The following SPAG6 variants were observed in gnomAD, a reference collection of about 807,000 sequenced individuals.
The protein encoded by SPAG6 is sperm-associated antigen 6.
SPAG6 carries 49 observed loss-of-function variants against 58.5 expected under a neutral mutation model. The observed-to-expected ratio is 0.84, with a 90% CI of 0.67 to 1.06. SPAG6 has a LOEUF of 1.06. Ranked by LOEUF, SPAG6 falls within the 50% of genes least tolerant of loss-of-function variation. The probability of loss-of-function intolerance (pLI) is 0.00; values close to 1 mark genes in which losing one functional copy is unlikely to be tolerated. For missense variants in SPAG6, 560 were observed against 611.3 expected (o/e 0.92, Z 0.89); for synonymous variants, 233 against 225.6 (o/e 1.03, Z -0.29).
intron 2 of SPAG6, among the ~76,000 whole-genome samples, chr10:22,350,398 A>C (rs1474125919): frequency 6.6e-6 from 1 of 152,148 alleles, no homozygotes. Flanking sequence ...AAAATAATAG[A>C]GTCAGGGTTA....
At chr10:22,347,643 A>G (rs137876688) in intron 2 of SPAG6, among the ~76,000 whole-genome samples, 71 of 152,352 alleles carry the variant, frequency 4.7e-4, no homozygotes, top group African/African-American at 1.7e-3. Context: ...TTTAGTGAGT[A>G]GTGGCAGGTT....
At chr10:22,373,378 C>G (rs781368507) in intron 4 of SPAG6, among the ~76,000 whole-genome samples, 1 of 152,146 alleles carries the variant, frequency 6.6e-6, no homozygotes, top group African/African-American at 2.4e-5. Flanking sequence ...GAATATTCTT[C>G]TTATGCCACC....
chr10:22,362,741 A>G (rs1013033825), intron 2 of SPAG6, among the ~76,000 whole-genome samples: 13 of 152,064 alleles, frequency 8.5e-5, no homozygotes, highest in Admixed American at 7.9e-4. Flanking sequence ...AACAACCCAA[A>G]AAAACAAAAA....
chr10:22,411,124 CT>C lies in SPAG6; in HGVS notation c.1410del (p.Gln471LysfsTer15), dbSNP rs776011336. 1.2e-6 allele frequency: 2 copies of C among 1,613,970 alleles called. No individual in the cohort carries two copies. Among genetic ancestry groups the C allele is most frequent in the African/African-American group, 1.3e-5 (1 of 75,036 alleles). Reference protein sequence around the residue: ...QEIKAEPGSLLQEYINSINSC... With the variant: ...QEIKAEPGSLXQEYINSINSC... ...GATAAAAGCAGAACCTGGTTCTCTC[CT>C]TCAAGAATACATCAACAGTATTAAC... On this transcript the variant is annotated frameshift_variant, in exon 10 of 11. Transcript: ENST00000376624. LOFTEE classifies it high-confidence loss of function.
chr10:22,382,319 G>A (rs1176773113), intron 4 of SPAG6, among the ~76,000 whole-genome samples: 1 of 151,940 alleles, frequency 6.6e-6, no homozygotes, highest in African/African-American at 2.4e-5. Context: ...CAGATTTGGC[G>A]ACTGTACATT....
intron 8 of SPAG6, among the ~76,000 whole-genome samples, chr10:22,400,894 A>G (rs1834395636): frequency 6.6e-6 from 1 of 152,198 alleles, no homozygotes; most frequent in South Asian, 2.1e-4. Flanking sequence ...TGTGCTTTAT[A>G]ATTTTAATTT....
At chr10:22,401,117 C>T (rs1285905268) in intron 8 of SPAG6, 44 bp from the exon 9 acceptor site, 1 of 863,330 alleles carries the variant, frequency 1.2e-6, no homozygotes, top group Non-Finnish European at 1.9e-6. Flanking sequence ...GTCAAGGTTT[C>T]ATTGATTACT....
intron 2 of SPAG6, 142 bp from the exon 3 acceptor site, chr10:22,364,710 TA>T: frequency 3.4e-6 from 2 of 580,904 alleles, no homozygotes; most frequent in Non-Finnish European, 5.9e-6. Flanking sequence ...TAGGTACTTC[TA>T]AATTTCCATT....
intron 10 of SPAG6, chr10:22,411,746 CTAAGCCTCGGTCCTTG>C (rs1564383046): frequency 6.6e-6 from 1 of 151,712 alleles, no homozygotes. Flanking sequence ...AGCATTCAAC[CTAAGCCTCGGTCCTTG>C]TAAGCCTAAT....
At chr10:22,397,177 T>C (rs1834311879) in intron 8 of SPAG6, among the ~76,000 whole-genome samples, 1 of 152,038 alleles carries the variant, frequency 6.6e-6, no homozygotes, top group Non-Finnish European at 1.5e-5. Context: ...TGATCTTGTA[T>C]GTAAAAAAAT....
chr10:22,345,838 C>G lies in SPAG6; in HGVS notation c.121+20C>G. The G allele has an allele frequency of 6.2e-7, 1 of 1,603,866 alleles. No individual in the cohort carries two copies. The highest frequency in any genetic ancestry group is 8.5e-7 in the Non-Finnish European group (1 of 1,175,482). On this transcript the variant is annotated intron_variant, in intron 2 of 10. Coordinates refer to ENST00000376624, the MANE Select transcript of SPAG6 (RefSeq NM_012443.4). The surrounding 1 kb of genome is among the most constrained non-coding windows in gnomAD (Gnocchi z 6.3). Reference sequence around the variant, plus strand: ...ACGCGGGTGAGCCCGGAGCCCGAACCCCCGTCGCCCCCCGCGCACTGAGTC... The same window carrying G: ...ACGCGGGTGAGCCCGGAGCCCGAACGCCCGTCGCCCCCCGCGCACTGAGTC...
At chr10:22,353,992 T>C (rs566509002) in intron 2 of SPAG6, among the ~76,000 whole-genome samples, 3 of 152,188 alleles carry the variant, frequency 2.0e-5, no homozygotes, top group Admixed American at 6.5e-5. Context: ...CTCAGGGTAA[T>C]AGGGCAAGGA....
At chr10:22,410,746 C>G (rs1251759353) in intron 9 of SPAG6, among the ~76,000 whole-genome samples, 1 of 152,144 alleles carries the variant, frequency 6.6e-6, no homozygotes, top group Admixed American at 6.5e-5. Flanking sequence ...TCTTAGGGAG[C>G]AAAGAGACCT....
At chr10:22,372,922 T>G (rs921062452) in intron 4 of SPAG6, among the ~76,000 whole-genome samples, 2 of 152,230 alleles carry the variant, frequency 1.3e-5, no homozygotes, top group African/African-American at 4.8e-5. Context: ...GGATTTATTC[T>G]GGTTACACAG....
intron 7 of SPAG6, among the ~76,000 whole-genome samples, chr10:22,390,868 T>C (rs1447270440): frequency 6.6e-6 from 1 of 152,208 alleles, no homozygotes; most frequent in Non-Finnish European, 1.5e-5. Context: ...AATAAAAGTA[T>C]ATATGATGAT....
intron 4 of SPAG6, among the ~76,000 whole-genome samples, chr10:22,373,830 A>G (rs1833759860): frequency 6.6e-6 from 1 of 152,186 alleles, no homozygotes; most frequent in African/African-American, 2.4e-5. Flanking sequence ...TTTTGACCCT[A>G]GCACTTATTT....
rs536114390 is a variant in SPAG6 at position 22,362,787 on chromosome 10, A to G, written c.122-2066A>G. 1.4e-3 allele frequency among the ~76,000 whole-genome samples: 220 copies of G among 152,062 alleles called. 1 individual carries two copies. Among genetic ancestry groups the G allele is most frequent in the Non-Finnish European group, 2.4e-3 (166 of 67,946 alleles). On this transcript the variant is annotated intron_variant, in intron 2 of 10. Coordinates refer to ENST00000376624, the MANE Select transcript of SPAG6 (RefSeq NM_012443.4). ...AATGCTCGACGATAATGACAATACAATGTCAGCCCAAGCCCTGTGCCCAAT... is the reference window on the plus strand; with the variant it reads ...AATGCTCGACGATAATGACAATACAGTGTCAGCCCAAGCCCTGTGCCCAAT...
At chr10:22,408,966 A>G (rs1312955884) in intron 9 of SPAG6, among the ~76,000 whole-genome samples, 1 of 152,180 alleles carries the variant, frequency 6.6e-6, no homozygotes, top group East Asian at 1.9e-4. Context: ...GCGCTTCCCG[A>G]GTGAGGCAAT....
At chr10:22,346,488 TTCTTCTTCTTTC>T (rs1205805435) in intron 2 of SPAG6, among the ~76,000 whole-genome samples, 29 of 132,334 alleles carry the variant, frequency 2.2e-4, no homozygotes, top group African/African-American at 1.1e-3. Context: ...CTTCTTCTTC[TTCTTCTTCTTTC>T]TTCTTCTTCT....
Sources: allele counts gnomAD v4.1 joint callset (sites outside exome capture counted in the v4.1 genomes callset), GRCh38; gene constraint gnomAD v4.1.1; non-coding constraint Gnocchi (gnomAD v3.1); transcripts MANE v1.5; gene names NCBI Gene and HGNC (gene_info 2026-07-23, HGNC 2026-07-21).